AP1G2: variants seen among roughly 807,000 people sequenced by gnomAD.
AP1G2 encodes the protein AP-1 complex subunit gamma-like 2.
Under a neutral mutation model 95.8 loss-of-function variants are expected in AP1G2, and 85 were observed. The ratio of observed to expected loss-of-function variants is 0.89; its 90% CI spans 0.74 to 1.06. The LOEUF (loss-of-function observed/expected upper bound fraction) is 1.06. Ranked by LOEUF, AP1G2 falls within the 50% of genes least tolerant of loss-of-function variation. The probability of loss-of-function intolerance (pLI) is 0.00; values close to 1 mark genes in which losing one functional copy is unlikely to be tolerated. For synonymous variants in AP1G2, 378 were observed against 400.0 expected, an observed-to-expected ratio of 0.94 and a Z score of 0.66; for missense variants, 967 against 1,005.8, an observed-to-expected ratio of 0.96 and a Z score of 0.52.
chr14:23,567,034 T>C lies in AP1G2; in HGVS notation c.204+77A>G, dbSNP rs1888394712. On this transcript the variant is annotated intron_variant, in intron 2 of 21. Coordinates refer to ENST00000397120, the MANE Select transcript of AP1G2 (RefSeq NM_003917.5). The surrounding 1 kb of genome is among the most constrained non-coding windows in gnomAD (Gnocchi z 5.3). ...TTGTAGAATTTAAAAAACCAGGGCATAAACAGGTGAGAGAGTCTGGGACTC... is the reference window on the plus strand; with the variant it reads ...TTGTAGAATTTAAAAAACCAGGGCACAAACAGGTGAGAGAGTCTGGGACTC... 2 of 1,453,600 alleles carry C rather than the reference T, an allele frequency of 1.4e-6. No individual in the cohort carries two copies. The highest frequency in any genetic ancestry group is 1.9e-6 in the Non-Finnish European group (2 of 1,074,884). 90.0% of individuals were successfully genotyped at this position (1,453,600 alleles called of 1,614,324 possible).
rs1888777113 is a variant in AP1G2 at position 23,567,772 on chromosome 14, C to G, written c.-39G>C. ...TGCCTCAACTCCGCTCCTCTGCCCC[C>G]CAGCGCTTCCTGGTACGGGGCCGAG... On this transcript the variant is annotated 5_prime_UTR_variant, in exon 1 of 22. Transcript: ENST00000397120. The surrounding 1 kb of genome is among the most constrained non-coding windows in gnomAD (Gnocchi z 5.3). 3 of 1,003,582 alleles carry G rather than the reference C, an allele frequency of 3.0e-6. No homozygotes were observed. The highest frequency in any genetic ancestry group is 4.0e-5 in the South Asian group (1 of 24,794). The allele number at this position is 1,003,582 out of a possible 1,614,324, so 62.2% of individuals were successfully genotyped here.
chr14:23,563,127 G>A, intron 14 of AP1G2: 1 of 1,395,002 alleles, frequency 7.2e-7, no homozygotes, highest in South Asian at 1.6e-5. Context: ...TCTCAAGGCA[G>A]CTCTAAGAGG....
Position 23,559,716 on chromosome 14 carries a change from C to T in AP1G2, c.*33G>A. ...TGCTGGGGCCCCCTGGGGTTTGGGACACAGGAGAATTTCAGGCTGTGAGTG... is the reference window on the plus strand; with the variant it reads ...TGCTGGGGCCCCCTGGGGTTTGGGATACAGGAGAATTTCAGGCTGTGAGTG... On this transcript the variant is annotated 3_prime_UTR_variant, in exon 22 of 22. Coordinates refer to ENST00000397120, the MANE Select transcript of AP1G2 (RefSeq NM_003917.5). 1 of 1,608,798 alleles carries T rather than the reference C, an allele frequency of 6.2e-7. No homozygotes were observed. Among genetic ancestry groups the T allele is most frequent in the Non-Finnish European group, 8.5e-7 (1 of 1,176,402 alleles).
chr14:23,565,892 C>G lies in AP1G2; in HGVS notation c.569G>C (p.Gly190Ala), dbSNP rs934142887. 1.0e-5 allele frequency: 16 copies of G among 1,590,852 alleles called. No individual in the cohort carries two copies. Among genetic ancestry groups the G allele is most frequent in the Non-Finnish European group, 1.4e-5 (16 of 1,170,594 alleles). ...CAQLLHERHH[G>A]ILLGTITLIT... ...CAGCGTGATGGTGCCCAGCAGGATG[C>G]CTGGGGTCAGCGTCGGGGAAGTGAA... The change falls in exon 6 of 22, where the codon GGC becomes GCC. Residue 190 changes from glycine (G) to alanine (A), a missense_variant and splice_region_variant. Coordinates refer to ENST00000397120, the MANE Select transcript of AP1G2 (RefSeq NM_003917.5).
At chr14:23,562,190 G>A (rs1885179819) in intron 16 of AP1G2, 98 bp downstream of exon 16, 1 of 1,593,446 alleles carries the variant, frequency 6.3e-7, no homozygotes, top group Non-Finnish European at 8.6e-7. Flanking sequence ...TAAGGGCTAG[G>A]GGGTAGGGAG....
At chr14:23,566,231 C>T in intron 4 of AP1G2, 47 bp downstream of exon 4, 1 of 1,608,900 alleles carries the variant, frequency 6.2e-7, no homozygotes, top group Non-Finnish European at 8.5e-7. Flanking sequence ...ATATAGCACG[C>T]AGCAGGCAGT....
chr14:23,567,633 T>C lies in AP1G2; in HGVS notation c.-6+106A>G, dbSNP rs947107993. On this transcript the variant is annotated intron_variant, in intron 1 of 21. Transcript: ENST00000397120. This position sits in a 1 kb window ranked among gnomAD's most constrained non-coding sequence, Gnocchi z 5.3. ...TCCCTAGCTCAGCCATTGCTTTTTT[T>C]TCCACGACCCTCCGCTGTTTCTTCC... 3.0e-5 allele frequency: 34 copies of C among 1,126,542 alleles called. No individual in the cohort carries two copies. In the African/African-American group the frequency reaches 5.1e-4, roughly 17 times the overall value. The allele number at this position is 1,126,542 out of a possible 1,614,324, so 69.8% of individuals were successfully genotyped here. A position where few individuals can be genotyped will look rare whatever the true frequency, so the allele number is the denominator to read the frequency against.
chr14:23,562,087 A>C, intron 16 of AP1G2, 21 bp from the exon 17 acceptor site: 1 of 1,611,204 alleles, frequency 6.2e-7, no homozygotes. Flanking sequence ...GTAGTATGTA[A>C]GTGGCTATGG....
chr14:23,567,351 C>T lies in AP1G2; in HGVS notation c.-5-32G>A. The T allele has an allele frequency of 6.3e-7, 1 of 1,595,444 alleles. No homozygotes were observed. Among genetic ancestry groups the T allele is most frequent in the Non-Finnish European group, 8.5e-7 (1 of 1,174,716 alleles). The stretch of plus-strand genomic sequence containing the variant: ...GAGTCCGGGAGTGGAGAAACACTCT[C>T]TGGTCGGGCGTGCCTGGGCTTTCGG... On this transcript the variant is annotated intron_variant, in intron 1 of 21. Coordinates refer to ENST00000397120, the MANE Select transcript of AP1G2 (RefSeq NM_003917.5). This position sits in a 1 kb window ranked among gnomAD's most constrained non-coding sequence, Gnocchi z 5.3.
At chr14:23,562,881 G>A in intron 14 of AP1G2, 1 of 520,938 alleles carries the variant, frequency 1.9e-6, no homozygotes, top group South Asian at 2.4e-5. Flanking sequence ...GTGGGGAAAG[G>A]GAAGTTTGTT....
chr14:23,563,822 T>C lies in AP1G2; in HGVS notation c.1126A>G (p.Ser376Gly), dbSNP rs769395924. The C allele has an allele frequency of 6.2e-7, 1 of 1,614,076 alleles. No individual in the cohort carries two copies. The highest frequency in any genetic ancestry group is 8.5e-7 in the Non-Finnish European group (1 of 1,179,990). Reference protein sequence around the residue: ...ALELSLALVNSSNVRAMMQEL... With the variant: ...ALELSLALVNGSNVRAMMQEL... Reference sequence around the variant, plus strand: ...TGCATCATGGCTCGCACATTGGAGCTATTTACCAGAGCCAGGCTTAGTTCC... The same window carrying C: ...TGCATCATGGCTCGCACATTGGAGCCATTTACCAGAGCCAGGCTTAGTTCC... Residue 376 changes from serine to glycine, a missense_variant, in exon 12 of 22, where the codon AGC becomes GGC. Ser to Gly is a moderately conservative substitution (Grantham distance 56). Coordinates refer to ENST00000397120, the MANE Select transcript of AP1G2 (RefSeq NM_003917.5).
Position 23,565,626 on chromosome 14 carries a change from CT to C in AP1G2, c.720del (p.Val241SerfsTer28), listed in dbSNP as rs1566655426. 1 of 1,613,980 alleles carries C rather than the reference CT, an allele frequency of 6.2e-7. No individual in the cohort carries two copies. Among genetic ancestry groups the C allele is most frequent in the East Asian group, 2.2e-5 (1 of 44,888 alleles). On this transcript the variant is annotated frameshift_variant, in exon 7 of 22. Transcript: ENST00000397120. LOFTEE classifies it high-confidence loss of function. The part of the protein sequence containing the change: ...MGYSTEHSIS[G>X]VSDPFLQVQI... ...CCCACCTGCAGGAAGGGGTCGCTGACTCCAGATATGCTGTGTTCTGTGGAGT... is the reference window on the plus strand; with the variant it reads ...CCCACCTGCAGGAAGGGGTCGCTGACCCAGATATGCTGTGTTCTGTGGAGT...
Position 23,559,842 on chromosome 14 carries a change from C to G in AP1G2, c.2265G>C (p.Leu755=). The change falls in exon 22 of 22, where the codon CTG becomes CTC. Residue 755 remains leucine (L), a synonymous_variant. Transcript: ENST00000397120. ...CGTAGGTGAGGCGCAGCTTTAGCCG[C>G]AGGGGGGCCTAGGAATAGGAGAGCA... is the stretch of plus-strand genomic sequence containing the variant. ...FRILNPNKAP[L]RLKLRLTYDH... 1 of 1,614,092 alleles carries G rather than the reference C, an allele frequency of 6.2e-7. No individual in the cohort carries two copies. Among genetic ancestry groups the G allele is most frequent in the East Asian group, 2.2e-5 (1 of 44,882 alleles).
chr14:23,566,476 T>A, intron 3 of AP1G2, 57 bp from the exon 4 acceptor site: 1 of 1,607,102 alleles, frequency 6.2e-7, no homozygotes, highest in Non-Finnish European at 8.5e-7. Flanking sequence ...TCCTTTTCAA[T>A]ACCCACAACA....
At position 23,559,793 on chromosome 14, in the gene AP1G2, C is replaced by A; in HGVS notation, c.2314G>T (p.Glu772Ter). The A allele has an allele frequency of 2.5e-6, 4 of 1,614,102 alleles. No homozygotes were observed. Among genetic ancestry groups the A allele is most frequent in the Non-Finnish European group, 3.4e-6 (4 of 1,180,018 alleles). ...GGCAAGTTGTTCACCTCAAAGATCT[C>A]CTGCACCGACTGGTGAAAGTGGTCG... ...TYDHFHQSVQ[E>*]IFEVNNLPVE... The change falls in exon 22 of 22, where the codon GAG (glutamate) becomes TAG (stop). Residue 772 changes from glutamate (E) to a stop codon, truncating the protein, a stop_gained. Transcript: ENST00000397120. LOFTEE classifies it high-confidence loss of function.
At chr14:23,564,500 C>A in intron 9 of AP1G2, 62 bp downstream of exon 9, 1 of 1,601,052 alleles carries the variant, frequency 6.2e-7, no homozygotes, top group South Asian at 1.1e-5. Context: ...AACCAGCAAG[C>A]AGGACCTGTG....
At chr14:23,565,539 C>A (rs1887442656) in intron 7 of AP1G2, 67 bp downstream of exon 7, 2 of 1,390,590 alleles carry the variant, frequency 1.4e-6, no homozygotes, top group Non-Finnish European at 1.0e-6. Context: ...GGGAGGAAAC[C>A]ACTGGTCATG....
intron 10 of AP1G2, 47 bp from the exon 11 acceptor site, chr14:23,564,206 C>A: frequency 6.2e-7 from 1 of 1,611,616 alleles, no homozygotes; most frequent in South Asian, 1.1e-5. Flanking sequence ...CATCAGCCCC[C>A]ACTCCCCGTC....
Position 23,560,396 on chromosome 14 carries a change from C to T in AP1G2, c.2016G>A (p.Val672=), listed in dbSNP as rs1310167822. 5 of 1,613,680 alleles carry T rather than the reference C, an allele frequency of 3.1e-6. No individual in the cohort carries two copies. The change falls in exon 20 of 22, where the codon GTG becomes GTA. Residue 672 remains valine, a synonymous_variant. Transcript: ENST00000397120. Reference sequence around the variant, plus strand: ...TCAGCTGTACTCCCTCACGCTCAAACACTTTGAGATCTGGGATGGGAGCTG... The same window carrying T: ...TCAGCTGTACTCCCTCACGCTCAAATACTTTGAGATCTGGGATGGGAGCTG... ...PPPAPIPDLK[V]FEREGVQLNL... is the part of the protein sequence containing the mutation.
Sources: allele counts gnomAD v4.1 joint callset, GRCh38; gene constraint gnomAD v4.1.1; non-coding constraint Gnocchi (gnomAD v3.1); transcripts MANE v1.5; gene names NCBI Gene and HGNC (gene_info 2026-07-23, HGNC 2026-07-21).